The following PURG variants were observed in gnomAD, a reference collection of about 807,000 sequenced individuals.
PURG encodes purine-rich element-binding protein gamma.
PURG carries 3 observed loss-of-function variants against 24.3 expected under a neutral mutation model. The ratio of observed to expected loss-of-function variants is 0.12; its 90% CI spans 0.06 to 0.32. The LOEUF is 0.32. PURG is among the 10% of genes least tolerant of loss of function. The pLI, the probability that PURG is intolerant of heterozygous loss-of-function variation, is 1.00. For missense variants in PURG, 371 were observed against 439.1 expected (o/e 0.84, Z 1.39); for synonymous variants, 180 against 173.1 (o/e 1.04, Z -0.31).
At chr8:31,000,834 A>G (rs1314606993) in intron 1 of PURG, among the ~76,000 whole-genome samples, 2 of 152,146 alleles carry the variant, frequency 1.3e-5, no homozygotes, top group African/African-American at 2.4e-5. Flanking sequence ...TCATCTTCTG[A>G]GAGAATTAAC....
rs200829199 is a variant in PURG, at chr8:31,032,722, C to T, written c.61G>A (p.Gly21Arg). 5.2e-5 allele frequency: 76 copies of T among 1,471,674 alleles called. No individual in the cohort carries two copies. The East Asian group carries it at 1.5e-3, about 30-fold the overall frequency. 91.2% of individuals were successfully genotyped at this position (1,471,674 alleles called of 1,614,324 possible). A position where few individuals can be genotyped will look rare whatever the true frequency, so the allele number is the denominator to read the frequency against. The change falls in exon 2 of 2, where the codon GGG (glycine) becomes AGG (arginine). Residue 21 changes from glycine (G) to arginine (R), a missense_variant. Transcript: ENST00000523392. The surrounding 1 kb of genome is among the most constrained non-coding windows in gnomAD (Gnocchi z 5.9). ...CTACTCTTGCTTAGGCCAGAGCCCC[C>T]TACATTCTTGCCTCCGCGGCCGCGG... ...GGRGRGGKNVGGSGLSKSRLY... is the reference protein window; with the variant it reads ...GGRGRGGKNVRGSGLSKSRLY...
chr8:31,028,822 T>C (rs1811136512), downstream of PURG, among the ~76,000 whole-genome samples: 1 of 151,882 alleles, frequency 6.6e-6, no homozygotes, highest in South Asian at 2.1e-4. Flanking sequence ...TTACTACAGT[T>C]TGAGCCTGTA....
intron 1 of PURG, among the ~76,000 whole-genome samples, chr8:30,999,814 T>C (rs1810500136): frequency 6.6e-6 from 1 of 152,022 alleles, no homozygotes; most frequent in Non-Finnish European, 1.5e-5. Flanking sequence ...TGTTTTTTGT[T>C]TTAAACAACT....
At chr8:31,003,924 C>T (rs1810592170) in intron 1 of PURG, among the ~76,000 whole-genome samples, 1 of 152,186 alleles carries the variant, frequency 6.6e-6, no homozygotes, top group Admixed American at 6.5e-5. Flanking sequence ...TAGGGGTGGA[C>T]TAGCCAAAGG....
rs140255470 is a variant in PURG, at chr8:31,005,814, C to T, written c.865-9117G>A. ...TTCAAAACTTCTCCCTTCAAATCAC[C>T]ACATAGAGAACAACACGCCCTGGAA... On this transcript the variant is annotated intron_variant, in intron 1 of 1. Transcript: ENST00000339382. Among the ~76,000 whole-genome samples, 1,041 of 150,192 alleles carry T rather than the reference C, an allele frequency of 6.9e-3. 8 individuals carry two copies. Among genetic ancestry groups the T allele is most frequent in the African/African-American group, 0.024 (989 of 40,662 alleles).
intron 1 of PURG, among the ~76,000 whole-genome samples, chr8:31,016,858 C>G (rs891677630): frequency 3.3e-5 from 5 of 152,100 alleles, no homozygotes; most frequent in African/African-American, 1.2e-4. Flanking sequence ...GGTTAGAACT[C>G]ATTAGAAGCA....
intron 1 of PURG, among the ~76,000 whole-genome samples, chr8:31,022,951 C>T (rs1238424841): frequency 2.0e-5 from 3 of 152,110 alleles, no homozygotes; most frequent in Admixed American, 6.5e-5. Flanking sequence ...TTATTTTGCT[C>T]GGCAGTTTTG....
At chr8:31,008,699 G>A (rs1810704501) in intron 1 of PURG, among the ~76,000 whole-genome samples, 2 of 152,214 alleles carry the variant, frequency 1.3e-5, no homozygotes, top group African/African-American at 4.8e-5. Context: ...GAACTTTAAA[G>A]ATTGACCAGC....
chr8:31,025,741 G>A (rs1379244218), intron 1 of PURG, among the ~76,000 whole-genome samples: 2 of 151,480 alleles, frequency 1.3e-5, no homozygotes, highest in South Asian at 2.1e-4. Flanking sequence ...TTTTGGGGAC[G>A]GGTGCTCACA....
intron 1 of PURG, among the ~76,000 whole-genome samples, chr8:31,003,898 G>A (rs774369748): frequency 1.3e-5 from 2 of 152,228 alleles, no homozygotes; most frequent in African/African-American, 2.4e-5. Flanking sequence ...AGTCTTGAAG[G>A]TGGAGATGGT....
At chr8:31,015,832 C>T (rs1810851485) in intron 1 of PURG, among the ~76,000 whole-genome samples, 1 of 152,072 alleles carries the variant, frequency 6.6e-6, no homozygotes. Context: ...GGGAGAAATG[C>T]TTGAGCCCAG....
downstream of PURG, among the ~76,000 whole-genome samples, chr8:31,030,607 T>C (rs1404050478): frequency 1.3e-5 from 2 of 151,782 alleles, no homozygotes; most frequent in Admixed American, 1.3e-4. Flanking sequence ...CTTCAAATAA[T>C]ATTTTTCTCA....
chr8:31,003,761 C>CAA lies in PURG; in HGVS notation c.865-7066_865-7065dup, dbSNP rs374776136. ...TGGGTGACAGAGCAAGACTCCATCT[C>CAA]AAAAAAAAACCAAAAAACAAAAAAA... On this transcript the variant is annotated intron_variant, in intron 1 of 1. Transcript: ENST00000339382. 1.8e-3 allele frequency among the ~76,000 whole-genome samples: 276 copies of CAA among 149,340 alleles called. 2 individuals carry two copies. The highest frequency in any genetic ancestry group is 5.8e-3 in the African/African-American group (234 of 40,516).
chr8:31,006,166 G>C (rs1319741066), intron 1 of PURG, among the ~76,000 whole-genome samples: 2 of 152,144 alleles, frequency 1.3e-5, no homozygotes, highest in Admixed American at 6.5e-5. Context: ...GTTTCCTACA[G>C]AAATAACTTT....
exon 2 of PURG, chr8:30,995,917 T>C (rs983244602): frequency 6.6e-6 from 1 of 152,020 alleles, no homozygotes; most frequent in African/African-American, 2.4e-5. Flanking sequence ...CTTCAAGCTT[T>C]GTTCAGCATG....
chr8:30,997,013 G>A (rs1362942523), intron 1 of PURG, among the ~76,000 whole-genome samples: 1 of 151,768 alleles, frequency 6.6e-6, no homozygotes, highest in Non-Finnish European at 1.5e-5. Context: ...AATCAATCAT[G>A]TATCTGCCCA....
At chr8:30,997,391 G>A (rs1281305686) in intron 1 of PURG, among the ~76,000 whole-genome samples, 1 of 151,570 alleles carries the variant, frequency 6.6e-6, no homozygotes, top group African/African-American at 2.4e-5. Flanking sequence ...ACACACCTTT[G>A]GGTTAATATA....
At chr8:31,025,960 GAA>G (rs1433695429), downstream of PURG, among the ~76,000 whole-genome samples, 1 of 151,754 alleles carries the variant, frequency 6.6e-6, no homozygotes, top group African/African-American at 2.4e-5. Flanking sequence ...GTCCTTCAGT[GAA>G]AAATCAATGC....
chr8:31,012,235 T>TC (rs547404404), intron 1 of PURG, among the ~76,000 whole-genome samples: 78 of 152,328 alleles, frequency 5.1e-4, no homozygotes, highest in Non-Finnish European at 9.4e-4. Context: ...TAAAATATAC[T>TC]CCAACAAGTT....
Sources: gnomAD v4.1 joint callset for allele counts (sites outside exome capture counted in the v4.1 genomes callset) on GRCh38, gnomAD v4.1.1 for gene constraint, Gnocchi (gnomAD v3.1) non-coding constraint, MANE v1.5 for transcripts, NCBI Gene and HGNC (gene_info 2026-07-23, HGNC 2026-07-21) for gene names.